The following GIGYF2 variants were observed in gnomAD, a reference collection of about 807,000 sequenced individuals.
GIGYF2 encodes GRB10-interacting GYF protein 2.
GIGYF2 carries 25 observed loss-of-function variants against 208.1 expected under a neutral mutation model. That is an observed-to-expected ratio of 0.12 (90% CI 0.09 to 0.17). The LOEUF is 0.17. Ranked by LOEUF, GIGYF2 falls within the 10% of genes least tolerant of loss-of-function variation. The pLI is 1.00. For synonymous variants in GIGYF2, 534 were observed against 543.8 expected (o/e 0.98, Z 0.25); for missense variants, 1,302 against 1,579.4 (o/e 0.82, Z 2.98).
At chr2:232,702,187 C>G (rs1014279261) in intron 1 of GIGYF2, among the ~76,000 whole-genome samples, 11 of 152,044 alleles carry the variant, frequency 7.2e-5, no homozygotes, top group Non-Finnish European at 1.6e-4. Flanking sequence ...GCCTGTAATC[C>G]CAGCACTCTG....
chr2:232,817,836 C>T (rs1250156605), intron 20 of GIGYF2, among the ~76,000 whole-genome samples: 2 of 152,140 alleles, frequency 1.3e-5, no homozygotes, highest in Non-Finnish European at 2.9e-5. Context: ...CTGCTGTGAA[C>T]ACGGGTGTAT....
At chr2:232,815,611 TC>T in intron 18 of GIGYF2, 25 bp from the exon 19 acceptor site, 1 of 1,189,164 alleles carries the variant, frequency 8.4e-7, no homozygotes, top group Non-Finnish European at 1.3e-6. Flanking sequence ...CTGTCATTCC[TC>T]GTTGTTTCTT....
At chr2:232,847,038 G>A (rs1421073696) in intron 26 of GIGYF2, among the ~76,000 whole-genome samples, 1 of 152,148 alleles carries the variant, frequency 6.6e-6, no homozygotes, top group Non-Finnish European at 1.5e-5. Context: ...AATAAATACT[G>A]ATTGAATTTG....
chr2:232,712,856 T>C (rs1696490242), intron 2 of GIGYF2, among the ~76,000 whole-genome samples: 2 of 152,308 alleles, frequency 1.3e-5, no homozygotes, highest in South Asian at 4.1e-4. Flanking sequence ...GGAATAAACA[T>C]ATCACTGAAG....
chr2:232,830,480 T>C (rs994480030), intron 21 of GIGYF2, among the ~76,000 whole-genome samples: 2 of 152,190 alleles, frequency 1.3e-5, no homozygotes, highest in African/African-American at 2.4e-5. Flanking sequence ...TGTTAGATTT[T>C]CAGAGAAACT....
At chr2:232,706,233 A>G (rs189984124) in intron 2 of GIGYF2, among the ~76,000 whole-genome samples, 12 of 152,254 alleles carry the variant, frequency 7.9e-5, no homozygotes, top group East Asian at 5.8e-4. Flanking sequence ...AGCTGAATTC[A>G]TTTTTAAGGT....
At chr2:232,729,882 G>A in intron 2 of GIGYF2, 2 of 737,802 alleles carry the variant, frequency 2.7e-6, no homozygotes, top group Non-Finnish European at 2.5e-6. Flanking sequence ...CCTCCCATCA[G>A]CTCCAAAGAG....
intron 2 of GIGYF2, among the ~76,000 whole-genome samples, chr2:232,711,702 G>GATATATATATATATATATAT (rs1490288263): frequency 4.0e-5 from 2 of 50,490 alleles, no homozygotes; most frequent in Middle Eastern, 9.1e-3. Context: ...TCCTCACAAT[G>GATATATATATATATATATAT]ATGTATATAT....
chr2:232,735,136 A>G lies in GIGYF2; in HGVS notation c.-43-19A>G. The G allele has an allele frequency of 9.5e-7, 1 of 1,057,452 alleles. No homozygotes were observed. The highest frequency in any genetic ancestry group is 1.5e-6 in the Non-Finnish European group (1 of 677,508). 65.5% of individuals were successfully genotyped at this position (1,057,452 alleles called of 1,614,324 possible). On this transcript the variant is annotated intron_variant, in intron 2 of 28. Coordinates refer to ENST00000373563, the MANE Select transcript of GIGYF2 (RefSeq NM_001103146.3). Reference sequence around the variant, plus strand: ...TTTAATCTCAACTAATAGTATGGAGATATTTTTCTCGTTAACAGGTTTCTT... The same window carrying G: ...TTTAATCTCAACTAATAGTATGGAGGTATTTTTCTCGTTAACAGGTTTCTT...
rs35810603 is a variant in GIGYF2, at chr2:232,844,380, G to A, written c.3111G>A (p.Leu1037=). ...NRARNNTHSN[L]HTSIGNSVWG... ...TTTTTCTTTAACAGCATTCCAACCT[G>A]CACACCAGCATTGGGAATTCTGTTT... Residue 1037 remains leucine (L), a synonymous_variant, in exon 25 of 29, where the codon CTG becomes CTA. Coordinates refer to ENST00000373563, the MANE Select transcript of GIGYF2 (RefSeq NM_001103146.3). The A allele has an allele frequency of 1.5e-3, 2,414 of 1,613,214 alleles. 24 individuals are homozygous for A. In the African/African-American group the frequency reaches 0.027, roughly 18 times the overall value.
At chr2:232,818,326 A>G (rs569804632) in intron 20 of GIGYF2, among the ~76,000 whole-genome samples, 5 of 152,352 alleles carry the variant, frequency 3.3e-5, no homozygotes, top group African/African-American at 1.2e-4. Context: ...CATTTTCCAC[A>G]ATATAGCTGA....
intron 2 of GIGYF2, among the ~76,000 whole-genome samples, chr2:232,731,814 G>A (rs1697509408): frequency 6.6e-6 from 1 of 152,136 alleles, no homozygotes; most frequent in South Asian, 2.1e-4. Flanking sequence ...AGAAAGAAAG[G>A]AATACTGCCA....
intron 3 of GIGYF2, chr2:232,736,009 TG>T: frequency 1.0e-6 from 1 of 980,912 alleles, no homozygotes; most frequent in Non-Finnish European, 1.2e-6. Context: ...GTTGTTCAGG[TG>T]GGAGTGGTTC....
chr2:232,836,304 AT>A (rs1350711060), intron 22 of GIGYF2, among the ~76,000 whole-genome samples: 234 of 19,596 alleles, frequency 0.012, 23 homozygotes, highest in East Asian at 0.076. Context: ...ATATATATAT[AT>A]ATATATATAT....
rs1363500742 is a variant in GIGYF2 at position 232,850,296 on chromosome 2, A to C, written c.3719A>C (p.His1240Pro). Residue 1240 changes from histidine (H) to proline (P), a missense_variant, in exon 28 of 29, where the codon CAT (histidine) becomes CCT (proline). By Grantham distance (77) the His-to-Pro change is moderately conservative (BLOSUM62 -2). This residue lies in a region of GIGYF2 where 701 missense variants were observed against 793.0 expected (regional missense o/e 0.88). Transcript: ENST00000373563. ...SVWGMNHSTL[H>P]SVFQTNQSNN... ...TGGGGGATGAACCACAGTACACTCC[A>C]TTCAGTATTTCAGACCAATCAAAGC... 1.5e-5 allele frequency: 25 copies of C among 1,613,606 alleles called. No homozygotes were observed. The highest frequency in any genetic ancestry group is 2.0e-5 in the Non-Finnish European group (24 of 1,179,502).
Position 232,819,813 on chromosome 2 carries a change from T to C in GIGYF2, c.2371-14T>C, listed in dbSNP as rs1478287874. The C allele has an allele frequency of 5.7e-6, 3 of 523,056 alleles. No homozygotes were observed. Among genetic ancestry groups the C allele is most frequent in the Admixed American group, 5.8e-5 (2 of 34,652 alleles). The allele number at this position is 523,056 out of a possible 1,614,324, so 32.4% of individuals were successfully genotyped here. A position where few individuals can be genotyped will look rare whatever the true frequency, so the allele number is the denominator to read the frequency against. ...TCCCTCCCCCACCCCCCACCCTCCA[T>C]CTTTTTTCCTTAGGAAGAGGCTCTG... On this transcript the variant is annotated splice_polypyrimidine_tract_variant and intron_variant, in intron 20 of 28. Coordinates refer to ENST00000373563, the MANE Select transcript of GIGYF2 (RefSeq NM_001103146.3).
At chr2:232,833,777 G>A (rs1701497013) in intron 22 of GIGYF2, among the ~76,000 whole-genome samples, 1 of 152,076 alleles carries the variant, frequency 6.6e-6, no homozygotes, top group African/African-American at 2.4e-5. Context: ...GTGTAAATGG[G>A]AACTAGAATA....
chr2:232,721,579 T>TTGCTGTTGTTATGCTGTTGTTA (rs1696944572), intron 2 of GIGYF2, among the ~76,000 whole-genome samples: 1 of 152,218 alleles, frequency 6.6e-6, no homozygotes, highest in Admixed American at 6.5e-5. Flanking sequence ...TCTGCCTAGC[T>TTGCTGTTGTTATGCTGTTGTTA]TGCTGTTGTT....
chr2:232,816,997 A>G lies in GIGYF2; in HGVS notation c.2335A>G (p.Arg779Gly), dbSNP rs1164121733. ...LRRQQEEERKRREEEELARRK... is the reference protein window; with the variant it reads ...LRRQQEEERKGREEEELARRK... ...GCGACAGCAGGAAGAAGAAAGGAAA[A>G]GGCGAGAGGAAGAAGAACTTGCCCG... Residue 779 changes from arginine to glycine, a missense_variant, in exon 20 of 29, where the codon AGG becomes GGG. Coordinates refer to ENST00000373563, the MANE Select transcript of GIGYF2 (RefSeq NM_001103146.3). 2 of 1,613,676 alleles carry G rather than the reference A, an allele frequency of 1.2e-6. No homozygotes were observed. The highest frequency in any genetic ancestry group is 1.7e-6 in the Non-Finnish European group (2 of 1,179,564).
Sources: gnomAD v4.1 joint callset for allele counts (sites outside exome capture counted in the v4.1 genomes callset) on GRCh38, gnomAD v4.1.1 for gene constraint, gnomAD v4.1.1 regional missense constraint, MANE v1.5 for transcripts, NCBI Gene and HGNC (gene_info 2026-07-23, HGNC 2026-07-21) for gene names.